Variants in ZMIZ1 observed in about 807,000 individuals in gnomAD.
ZMIZ1 encodes the protein zinc finger MIZ domain-containing protein 1.
Under a neutral mutation model 113.9 loss-of-function variants are expected in ZMIZ1, and 17 were observed. The ratio of observed to expected loss-of-function variants is 0.15; its 90% CI spans 0.10 to 0.22. The LOEUF (loss-of-function observed/expected upper bound fraction) is 0.22. Ranked by LOEUF, ZMIZ1 falls within the 10% of genes least tolerant of loss-of-function variation. The pLI is 1.00. For missense variants in ZMIZ1, 1,059 were observed against 1,477.8 expected (o/e 0.72, Z 4.65); for synonymous variants, 607 against 603.1 (o/e 1.01, Z -0.09).
chr10:79,106,719 T>C (rs540016280), intron 1 of ZMIZ1, among the ~76,000 whole-genome samples: 1 of 152,356 alleles, frequency 6.6e-6, no homozygotes, highest in South Asian at 2.1e-4. Context: ...CACTCCCTGC[T>C]AGGGCTGGAT....
intron 4 of ZMIZ1, among the ~76,000 whole-genome samples, chr10:79,163,318 C>T (rs1001285474): frequency 2.6e-5 from 4 of 152,258 alleles, no homozygotes; most frequent in Non-Finnish European, 5.9e-5. Context: ...GTTCCTGCTG[C>T]AGGAAATCCC....
chr10:79,069,337 C>G lies in ZMIZ1; in HGVS notation c.-337+67C>G, dbSNP rs1017608578. On this transcript the variant is annotated intron_variant, in intron 1 of 24. Transcript: ENST00000334512. This position sits in a 1 kb window ranked among gnomAD's most constrained non-coding sequence, Gnocchi z 4.6. ...CTACCTCCCGCTCCCCGGGGACTCT[C>G]GGGGTGCAAGCGTGGGGATTGGGTG... 6.6e-6 allele frequency: 1 copy of G among 150,536 alleles called. No individual in the cohort carries two copies. Among genetic ancestry groups the G allele is most frequent in the African/African-American group, 2.4e-5 (1 of 41,224 alleles). 9.3% of individuals were successfully genotyped at this position (150,536 alleles called of 1,614,324 possible).
At chr10:79,087,267 T>C (rs1047128307) in intron 1 of ZMIZ1, among the ~76,000 whole-genome samples, 3 of 152,224 alleles carry the variant, frequency 2.0e-5, no homozygotes. Context: ...TGGTAAAGTG[T>C]TGGAGGAAGG....
In ZMIZ1 at chr10:79,277,299, C is replaced by T. The variant is rs1298576465; in HGVS notation, c.399C>T (p.Ser133=). The T allele has an allele frequency of 6.2e-7, 1 of 1,601,284 alleles. No homozygotes were observed. Among genetic ancestry groups the T allele is most frequent in the Non-Finnish European group, 8.5e-7 (1 of 1,174,458 alleles). ...LPMQPPLSSM[S]SMKPTLSHSD... is the part of the protein sequence containing the mutation. ...TGCAGCCCCCTCTCAGCTCCATGAG[C>T]TCCATGAAACCCACTCTGTCGCACA... The change falls in exon 8 of 25, where the codon AGC becomes AGT. Residue 133 remains serine (S), a synonymous_variant. Transcript: ENST00000334512.
chr10:79,093,560 C>G (rs1007224369), intron 1 of ZMIZ1, among the ~76,000 whole-genome samples: 2 of 152,124 alleles, frequency 1.3e-5, no homozygotes, highest in Non-Finnish European at 2.9e-5. Flanking sequence ...CTCCTGACCT[C>G]AAGTGATCCA....
intron 6 of ZMIZ1, among the ~76,000 whole-genome samples, chr10:79,211,912 C>T (rs1848543664): frequency 6.6e-6 from 1 of 152,224 alleles, no homozygotes; most frequent in Non-Finnish European, 1.5e-5. Flanking sequence ...ATCAGCAGGC[C>T]TCTCCTTCAT....
chr10:79,225,541 A>G (rs7893646), intron 7 of ZMIZ1, among the ~76,000 whole-genome samples: 26,045 of 151,868 alleles, frequency 0.17, 3,078 homozygotes, highest in African/African-American at 0.33. Context: ...ACCAGCCTGG[A>G]CATCATAGTG....
chr10:79,183,368 A>G (rs1052594420), intron 4 of ZMIZ1, among the ~76,000 whole-genome samples: 8 of 151,846 alleles, frequency 5.3e-5, no homozygotes, highest in Admixed American at 3.3e-4. Flanking sequence ...GCACACACAC[A>G]CACACACACA....
In ZMIZ1 at chr10:79,072,169, G is replaced by A. The variant is rs186789930; in HGVS notation, c.-337+2899G>A. On this transcript the variant is annotated intron_variant, in intron 1 of 24. Coordinates refer to ENST00000334512, the MANE Select transcript of ZMIZ1 (RefSeq NM_020338.4). ...TGTCCCTTTTCCCTCCTAAGCAAAG[G>A]GGGGAGGAGGGTTCTTGTTCCTCTC... Among the ~76,000 whole-genome samples, 27 of 152,316 alleles carry A rather than the reference G, an allele frequency of 1.8e-4. No individual in the cohort carries two copies. In the East Asian group the frequency reaches 3.7e-3, roughly 21 times the overall value.
chr10:79,210,724 C>T (rs776511097), intron 6 of ZMIZ1, among the ~76,000 whole-genome samples: 2 of 152,198 alleles, frequency 1.3e-5, no homozygotes, highest in Non-Finnish European at 2.9e-5. Context: ...GCCCACAGGC[C>T]AAGCGAAAGT....
intron 1 of ZMIZ1, among the ~76,000 whole-genome samples, chr10:79,075,936 G>A (rs1842460282): frequency 6.6e-6 from 1 of 152,224 alleles, no homozygotes; most frequent in African/African-American, 2.4e-5. Flanking sequence ...CGCAGGGGAT[G>A]ACTGGCAGGG....
intron 13 of ZMIZ1, among the ~76,000 whole-genome samples, 194 bp from the exon 14 acceptor site, chr10:79,297,419 T>C (rs937289886): frequency 1.3e-5 from 2 of 152,242 alleles, no homozygotes; most frequent in Non-Finnish European, 2.9e-5. Context: ...GCTAAATTAA[T>C]AGCTAGGGAC....
chr10:79,252,125 G>A lies in ZMIZ1; in HGVS notation c.281-25056G>A, dbSNP rs115214453. 7.6e-3 allele frequency among the ~76,000 whole-genome samples: 1,155 copies of A among 152,170 alleles called. 19 individuals carry two copies. Among genetic ancestry groups the A allele is most frequent in the African/African-American group, 0.026 (1,077 of 41,502 alleles). On this transcript the variant is annotated intron_variant, in intron 7 of 24. Coordinates refer to ENST00000334512, the MANE Select transcript of ZMIZ1 (RefSeq NM_020338.4). ...CCTCCCTGAACCCTGCTTTTCCTTC[G>A]ACTGCTGCTGCCCAAGGGCACCCGT...
chr10:79,269,822 T>C (rs1233465186), intron 7 of ZMIZ1, among the ~76,000 whole-genome samples: 1 of 152,202 alleles, frequency 6.6e-6, no homozygotes, highest in Non-Finnish European at 1.5e-5. Context: ...GCTTTCTTGC[T>C]CCTTTTCAAG....
intron 7 of ZMIZ1, among the ~76,000 whole-genome samples, chr10:79,238,235 G>A (rs999495668): frequency 6.6e-6 from 1 of 152,194 alleles, no homozygotes; most frequent in Admixed American, 6.5e-5. Context: ...AGAACTTCTC[G>A]GAGGTACTGA....
chr10:79,289,536 G>T (rs1853321865), intron 8 of ZMIZ1, among the ~76,000 whole-genome samples: 1 of 152,210 alleles, frequency 6.6e-6, no homozygotes, highest in Non-Finnish European at 1.5e-5. Context: ...CACAGCCATG[G>T]AAGTAGCTCT....
chr10:79,222,544 G>A (rs978336796), intron 7 of ZMIZ1, among the ~76,000 whole-genome samples: 2 of 152,154 alleles, frequency 1.3e-5, no homozygotes, highest in African/African-American at 4.8e-5. Context: ...TGGTTTCCCT[G>A]ATGTTTTGAC....
intron 2 of ZMIZ1, among the ~76,000 whole-genome samples, chr10:79,119,586 C>T (rs1043539230): frequency 2.6e-5 from 4 of 152,204 alleles, no homozygotes; most frequent in East Asian, 1.9e-4. Flanking sequence ...AGCCACTGCC[C>T]GCTGGCCTAC....
At chr10:79,312,506 G>A (rs1410023676) in intron 24 of ZMIZ1, 136 bp from the exon 25 acceptor site, 4 of 885,300 alleles carry the variant, frequency 4.5e-6, no homozygotes, top group Non-Finnish European at 7.3e-6. Context: ...GCCCAAGGCT[G>A]TTCTCTACCC....
Sources: gnomAD v4.1 joint callset for allele counts (sites outside exome capture counted in the v4.1 genomes callset) on GRCh38, gnomAD v4.1.1 for gene constraint, Gnocchi (gnomAD v3.1) non-coding constraint, MANE v1.5 for transcripts, NCBI Gene and HGNC (gene_info 2026-07-23, HGNC 2026-07-21) for gene names.